Variants in RUVBL1 observed in about 807,000 individuals in gnomAD.
RUVBL1 encodes the protein ruvB-like 1.
RUVBL1 carries 4 observed loss-of-function variants against 52.4 expected under a neutral mutation model. That is an observed-to-expected ratio of 0.08 (90% CI 0.04 to 0.17). RUVBL1 has a LOEUF of 0.17. RUVBL1 is among the 10% of genes least tolerant of loss of function. RUVBL1 has a pLI of 1.00. For synonymous variants in RUVBL1, 217 were observed against 214.4 expected (o/e 1.01, Z -0.10); for missense variants, 298 against 572.8 (o/e 0.52, Z 4.90).
chr3:128,066,880 C>A, intron 9 of RUVBL1: 1 of 1,471,444 alleles, frequency 6.8e-7, no homozygotes, highest in Non-Finnish European at 9.4e-7. Flanking sequence ...GGACAGTCCC[C>A]GGCCGGGCTG....
intron 8 of RUVBL1, among the ~76,000 whole-genome samples, chr3:128,096,116 C>T (rs1942962578): frequency 6.6e-6 from 1 of 152,184 alleles, no homozygotes. Flanking sequence ...CCTGAGCATG[C>T]AGCCTCAGGG....
chr3:128,125,248 C>A (rs186875261), upstream of RUVBL1, among the ~76,000 whole-genome samples: 317 of 152,110 alleles, frequency 2.1e-3, no homozygotes, highest in African/African-American at 7.4e-3. Context: ...ATCTCCTGAC[C>A]TCGTGATCCG....
At chr3:128,071,753 T>C (rs1040060127) in intron 9 of RUVBL1, 4 of 152,670 alleles carry the variant, frequency 2.6e-5, no homozygotes, top group African/African-American at 7.2e-5. Flanking sequence ...CAAAGCTTGG[T>C]TGCAGCTTTG....
At chr3:128,125,078 A>G (rs1309825651), upstream of RUVBL1, among the ~76,000 whole-genome samples, 1 of 123,452 alleles carries the variant, frequency 8.1e-6, no homozygotes, top group Non-Finnish European at 1.6e-5. Flanking sequence ...GCAGTGGCGC[A>G]ATCTCGGCTC....
chr3:128,138,375 A>C (rs982744028), intron 1 of RUVBL1, among the ~76,000 whole-genome samples: 18 of 152,198 alleles, frequency 1.2e-4, no homozygotes, highest in African/African-American at 4.3e-4. Flanking sequence ...TGTAGGATAT[A>C]AAGTCAACAT....
chr3:128,113,267 C>A (rs1943435523), intron 2 of RUVBL1, among the ~76,000 whole-genome samples: 1 of 152,220 alleles, frequency 6.6e-6, no homozygotes, highest in African/African-American at 2.4e-5. Context: ...GGCCCAACTC[C>A]AAATGCCTCA....
chr3:128,071,099 C>T (rs1447010236), intron 9 of RUVBL1: 2 of 152,382 alleles, frequency 1.3e-5, no homozygotes, highest in Non-Finnish European at 2.9e-5. Flanking sequence ...GGGCCACCGC[C>T]ACAGCCCGGC....
In RUVBL1 at chr3:128,067,369, G is replaced by T; in HGVS notation, c.940-2149C>A. 1.9e-6 allele frequency: 3 copies of T among 1,560,748 alleles called. No homozygotes were observed. The highest frequency in any genetic ancestry group is 2.2e-5 in the East Asian group (1 of 44,518). ...TGCTCAGAACTATTTTTGCCTTGAT[G>T]CTAAAGTAAAATGAAGGAGCACTCA... On this transcript the variant is annotated intron_variant, in intron 9 of 9. Transcript: ENST00000464873. This position sits in a 1 kb window ranked among gnomAD's most constrained non-coding sequence, Gnocchi z 4.1.
At chr3:128,093,722 G>C (rs1246627562) in intron 8 of RUVBL1, among the ~76,000 whole-genome samples, 1 of 152,178 alleles carries the variant, frequency 6.6e-6, no homozygotes, top group Non-Finnish European at 1.5e-5. Flanking sequence ...CCTGAGCCTG[G>C]AAGGAAAGGG....
chr3:128,109,809 ATTTTTTTTT>A (rs60187195), intron 3 of RUVBL1, among the ~76,000 whole-genome samples: 12 of 80,488 alleles, frequency 1.5e-4, no homozygotes, highest in African/African-American at 3.0e-4. Context: ...CTCTCTGTAA[ATTTTTTTTT>A]TTTTTTTTTT....
chr3:128,136,632 A>AC (rs1170200577), intron 1 of RUVBL1, among the ~76,000 whole-genome samples: 3 of 151,780 alleles, frequency 2.0e-5, no homozygotes, highest in East Asian at 3.9e-4. Flanking sequence ...TCAAAAAAAA[A>AC]AAAAAAAACA....
intron 1 of RUVBL1, among the ~76,000 whole-genome samples, chr3:128,123,309 G>A (rs968010893): frequency 1.3e-5 from 2 of 152,314 alleles, no homozygotes; most frequent in African/African-American, 4.8e-5. Context: ...GAATTAAGGG[G>A]ACGGGGTTGT....
rs2107722861 is a variant in RUVBL1 at position 128,123,688 on chromosome 3, G to C, written c.37C>G (p.Gln13Glu). 6.2e-7 allele frequency: 1 copy of C among 1,611,872 alleles called. No individual in the cohort carries two copies. The highest frequency in any genetic ancestry group is 2.2e-5 in the East Asian group (1 of 44,856). Residue 13 changes from glutamine to glutamate, a missense_variant, in exon 1 of 11, where the codon CAG becomes GAG. Gln to Glu is a conservative substitution (Grantham distance 29). Around this residue, in one of 5 missense-constraint regions of RUVBL1, gnomAD observed 71 missense variants for 125.7 expected, o/e 0.57. Coordinates refer to ENST00000322623, the MANE Select transcript of RUVBL1 (RefSeq NM_003707.3). ...IEEVKSTTKTQRIASHSHVKG... is the reference protein window; with the variant it reads ...IEEVKSTTKTERIASHSHVKG... ...ACGTGGCTGTGGGAGGCGATGCGCTGCGTCTTCGTAGTGCTCTTCACCTCC... is the reference window on the plus strand; with the variant it reads ...ACGTGGCTGTGGGAGGCGATGCGCTCCGTCTTCGTAGTGCTCTTCACCTCC...
At chr3:128,116,960 C>T (rs6439115) in intron 2 of RUVBL1, among the ~76,000 whole-genome samples, 130,988 of 152,230 alleles carry the variant, frequency 0.86, 56,550 homozygotes, top group African/African-American at 0.92. Context: ...GATGATGGCA[C>T]CGTGGTCATG....
chr3:128,111,042 T>C (rs1310304776), intron 3 of RUVBL1, among the ~76,000 whole-genome samples: 2 of 151,692 alleles, frequency 1.3e-5, no homozygotes, highest in African/African-American at 4.8e-5. Context: ...CTGGCCAACA[T>C]GGTGAAACCC....
chr3:128,070,850 ACC>A, intron 9 of RUVBL1: 1 of 152,368 alleles, frequency 6.6e-6, no homozygotes, highest in Non-Finnish European at 1.5e-5. Flanking sequence ...GGAGATGAGC[ACC>A]CTCTCTCTGG....
intron 8 of RUVBL1, among the ~76,000 whole-genome samples, chr3:128,092,489 T>C (rs1026588521): frequency 6.6e-6 from 1 of 150,796 alleles, no homozygotes; most frequent in African/African-American, 2.4e-5. Flanking sequence ...TATAAAGAAC[T>C]CTTACAATTC....
At position 128,082,458 on chromosome 3, in the gene RUVBL1, C is replaced by T. The variant is rs775465312; in HGVS notation, c.1211+25G>A. 12 of 1,593,186 alleles carry T rather than the reference C, an allele frequency of 7.5e-6. No homozygotes were observed. The highest frequency in any genetic ancestry group is 6.7e-5 in the East Asian group (3 of 44,802). ...GGCCCTGGCTGTGCTGGGGAGGCCC[C>T]GGCGGGCCCAGGGTACCAGCTCACC... is the stretch of plus-strand genomic sequence containing the variant. On this transcript the variant is annotated intron_variant, in intron 10 of 10. Transcript: ENST00000322623. The surrounding 1 kb of genome is among the most constrained non-coding windows in gnomAD (Gnocchi z 4.7).
At chr3:128,122,468 A>G (rs1465602733) in intron 1 of RUVBL1, among the ~76,000 whole-genome samples, 1 of 152,256 alleles carries the variant, frequency 6.6e-6, no homozygotes, top group Non-Finnish European at 1.5e-5. Flanking sequence ...ATGACAAGGC[A>G]GTGGACATAT....
Sources: gnomAD v4.1 joint callset for allele counts (sites outside exome capture counted in the v4.1 genomes callset) on GRCh38, gnomAD v4.1.1 for gene constraint, gnomAD v4.1.1 regional missense constraint, Gnocchi (gnomAD v3.1) non-coding constraint, MANE v1.5 for transcripts, NCBI Gene and HGNC (gene_info 2026-07-23, HGNC 2026-07-21) for gene names.